Variants in SEMA6D observed in about 807,000 individuals in gnomAD.
SEMA6D encodes the protein semaphorin-6D.
A neutral mutation model predicts 106.6 loss-of-function variants in SEMA6D; 35 were observed. The observed-to-expected ratio is 0.33, with a 90% CI of 0.25 to 0.44. The LOEUF is 0.44. Among genes scored for constraint, SEMA6D ranks in the 20% least tolerant of loss-of-function variants. The pLI, the probability that SEMA6D is intolerant of heterozygous loss-of-function variation, is 1.00. For synonymous variants in SEMA6D, 499 were observed against 487.7 expected (o/e 1.02, Z -0.31); for missense variants, 1,185 against 1,345.9 (o/e 0.88, Z 1.87).
At position 47,277,907 on chromosome 15, in the gene SEMA6D, C is replaced by G. The variant is rs1012235201; in HGVS notation, c.-239+93489C>G. On this transcript the variant is annotated intron_variant, in intron 1 of 19. Coordinates refer to the SEMA6D transcript ENST00000558014. ...GATAGTTTACTGAGAATGATGATTT[C>G]CAATTTCATCCATGTCCCTACAAAG... is the stretch of plus-strand genomic sequence containing the variant. 4.0e-5 allele frequency among the ~76,000 whole-genome samples: 6 copies of G among 151,372 alleles called. No individual in the cohort carries two copies. The South Asian group carries it at 1.3e-3, about 32-fold the overall frequency.
intron 1 of SEMA6D, among the ~76,000 whole-genome samples, chr15:47,299,253 T>A (rs2035926533): frequency 6.6e-6 from 1 of 152,232 alleles, no homozygotes; most frequent in Non-Finnish European, 1.5e-5. Context: ...TCCTTTCAAT[T>A]TCCTGTGTTG....
intron 4 of SEMA6D, among the ~76,000 whole-genome samples, chr15:47,686,235 T>C (rs73392881): frequency 0.038 from 5,796 of 152,182 alleles, 359 homozygotes; most frequent in African/African-American, 0.13. Flanking sequence ...AAATAAGAAC[T>C]AAGTCATGAA....
At chr15:47,711,114 C>G (rs961454944) in intron 4 of SEMA6D, among the ~76,000 whole-genome samples, 5 of 151,594 alleles carry the variant, frequency 3.3e-5, no homozygotes, top group African/African-American at 1.2e-4. Flanking sequence ...TCGAGACCAT[C>G]CCGGCTAAAA....
chr15:47,378,961 G>T (rs2039545057), intron 1 of SEMA6D, among the ~76,000 whole-genome samples: 1 of 152,130 alleles, frequency 6.6e-6, no homozygotes, highest in Admixed American at 6.5e-5. Flanking sequence ...CGTTTTCCCA[G>T]ATAATTCTCT....
intron 1 of SEMA6D, among the ~76,000 whole-genome samples, chr15:47,749,080 CTTT>C (rs71118197): frequency 5.8e-5 from 6 of 102,660 alleles, no homozygotes; most frequent in Admixed American, 1.0e-4. Flanking sequence ...CTTTTTTTTT[CTTT>C]TTTTTTTTTT....
chr15:47,657,624 A>G (rs2077822528), intron 4 of SEMA6D, among the ~76,000 whole-genome samples: 3 of 148,342 alleles, frequency 2.0e-5, no homozygotes, highest in African/African-American at 7.5e-5. Context: ...CAACATGTAT[A>G]CCTTTTTTAA....
intron 1 of SEMA6D, among the ~76,000 whole-genome samples, chr15:47,344,521 A>G (rs1325980865): frequency 6.6e-6 from 1 of 152,156 alleles, no homozygotes. Context: ...GAGGGAGACC[A>G]AGGAAGATCA....
intron 2 of SEMA6D, among the ~76,000 whole-genome samples, chr15:47,438,125 C>T (rs1380996939): frequency 6.6e-6 from 1 of 152,110 alleles, no homozygotes; most frequent in Non-Finnish European, 1.5e-5. Context: ...ACTGCTCACA[C>T]CCAAACTTCT....
chr15:47,333,392 G>A (rs1250569485), intron 1 of SEMA6D, among the ~76,000 whole-genome samples: 1 of 152,140 alleles, frequency 6.6e-6, no homozygotes, highest in Non-Finnish European at 1.5e-5. Context: ...GATGTAAGTT[G>A]AGGCATGCTA....
intron 3 of SEMA6D, among the ~76,000 whole-genome samples, chr15:47,760,668 A>T (rs937260614): frequency 1.3e-5 from 2 of 152,172 alleles, no homozygotes; most frequent in African/African-American, 4.8e-5. Flanking sequence ...GCAGGGGAAA[A>T]AAAAAAACCT....
At chr15:47,503,397 G>A (rs955283175) in intron 3 of SEMA6D, among the ~76,000 whole-genome samples, 1 of 152,132 alleles carries the variant, frequency 6.6e-6, no homozygotes, top group African/African-American at 2.4e-5. Flanking sequence ...GAAATTGTGA[G>A]GTTATCTGTG....
At chr15:47,387,881 G>GTT (rs2039894941) in intron 1 of SEMA6D, among the ~76,000 whole-genome samples, 2 of 152,170 alleles carry the variant, frequency 1.3e-5, no homozygotes, top group African/African-American at 4.8e-5. Flanking sequence ...CCCTCATAGT[G>GTT]TTGTTTTGTA....
At chr15:47,330,977 CA>C (rs1319477542) in intron 1 of SEMA6D, among the ~76,000 whole-genome samples, 2 of 152,208 alleles carry the variant, frequency 1.3e-5, no homozygotes, top group Non-Finnish European at 2.9e-5. Flanking sequence ...CTCCATTTGA[CA>C]CAGTCTTGTT....
intron 1 of SEMA6D, among the ~76,000 whole-genome samples, chr15:47,315,169 G>A (rs950349455): frequency 6.6e-6 from 1 of 151,956 alleles, no homozygotes; most frequent in African/African-American, 2.4e-5. Context: ...CCCGGCCCTA[G>A]GTTTTCTTAA....
chr15:47,213,703 C>T (rs2030279074), intron 1 of SEMA6D, among the ~76,000 whole-genome samples: 1 of 151,882 alleles, frequency 6.6e-6, no homozygotes, highest in Admixed American at 6.6e-5. Context: ...TTGTGGTGTG[C>T]CTGACATTGT....
intron 1 of SEMA6D, among the ~76,000 whole-genome samples, chr15:47,408,076 C>T (rs2040656724): frequency 6.6e-6 from 1 of 152,078 alleles, no homozygotes; most frequent in South Asian, 2.1e-4. Context: ...TGTCCAAATC[C>T]CCTTTCTCAG....
chr15:47,557,417 G>T (rs2045946800), intron 3 of SEMA6D, among the ~76,000 whole-genome samples: 1 of 152,156 alleles, frequency 6.6e-6, no homozygotes, highest in Non-Finnish European at 1.5e-5. Flanking sequence ...CAAACATAAT[G>T]CTCAGTATGA....
At chr15:47,268,236 C>T (rs2034408968) in intron 1 of SEMA6D, among the ~76,000 whole-genome samples, 1 of 152,164 alleles carries the variant, frequency 6.6e-6, no homozygotes, top group South Asian at 2.1e-4. Context: ...GAGATATGGC[C>T]TAGGCATGAG....
chr15:47,714,169 T>C (rs1317287179), upstream of SEMA6D, among the ~76,000 whole-genome samples: 1 of 152,170 alleles, frequency 6.6e-6, no homozygotes, highest in East Asian at 1.9e-4. Context: ...TCCAGACTAA[T>C]ATTCCAAAGA....
Sources: allele counts gnomAD v4.1 joint callset (sites outside exome capture counted in the v4.1 genomes callset), GRCh38; gene constraint gnomAD v4.1.1; transcripts MANE v1.5; gene names NCBI Gene and HGNC (gene_info 2026-07-23, HGNC 2026-07-21).